Variants in NOL4 observed in about 807,000 individuals in gnomAD.
The protein encoded by NOL4 is nucleolar protein 4.
A neutral mutation model predicts 75.9 loss-of-function variants in NOL4; 17 were observed. That is an observed-to-expected ratio of 0.22 (90% CI 0.15 to 0.34). NOL4 has a LOEUF of 0.34. Among genes scored for constraint, NOL4 ranks in the 10% least tolerant of loss-of-function variants. The probability of loss-of-function intolerance (pLI) is 1.00; values close to 1 mark genes in which losing one functional copy is unlikely to be tolerated. For synonymous variants in NOL4, 292 were observed against 289.9 expected (o/e 1.01, Z -0.07); for missense variants, 614 against 793.5 (o/e 0.77, Z 2.72).
intron 9 of NOL4, among the ~76,000 whole-genome samples, chr18:33,940,319 G>C (rs1476020021): frequency 6.6e-6 from 1 of 152,028 alleles, no homozygotes; most frequent in Non-Finnish European, 1.5e-5. Context: ...ATCAATTATA[G>C]ACTGGATAAA....
At chr18:33,939,415 G>GT (rs2145524230) in intron 9 of NOL4, among the ~76,000 whole-genome samples, 1 of 152,212 alleles carries the variant, frequency 6.6e-6, no homozygotes, top group Admixed American at 6.5e-5. Flanking sequence ...AGCAAGGAAT[G>GT]TTTTTCCATT....
At chr18:33,920,278 T>C (rs1421858587) in intron 9 of NOL4, among the ~76,000 whole-genome samples, 1 of 152,188 alleles carries the variant, frequency 6.6e-6, no homozygotes, top group South Asian at 2.1e-4. Flanking sequence ...ACAAAAAAAA[T>C]GAATATATTG....
At chr18:33,869,283 A>G (rs1233749336) in intron 10 of NOL4, among the ~76,000 whole-genome samples, 2 of 152,034 alleles carry the variant, frequency 1.3e-5, no homozygotes, top group African/African-American at 4.8e-5. Context: ...AACTTCTAAG[A>G]GACTTCTTTT....
intron 9 of NOL4, among the ~76,000 whole-genome samples, chr18:33,922,472 A>G (rs1226128725): frequency 6.6e-6 from 1 of 152,186 alleles, no homozygotes; most frequent in Non-Finnish European, 1.5e-5. Context: ...GAAAAATGTT[A>G]ACCAGATTTC....
chr18:34,015,456 G>A (rs1172420968), intron 6 of NOL4, among the ~76,000 whole-genome samples: 1 of 151,918 alleles, frequency 6.6e-6, no homozygotes, highest in Non-Finnish European at 1.5e-5. Flanking sequence ...ATATTGAAAT[G>A]CTCCACATTT....
chr18:33,881,042 G>GAAAAC (rs2064235639), intron 10 of NOL4, among the ~76,000 whole-genome samples: 1 of 151,408 alleles, frequency 6.6e-6, no homozygotes, highest in Non-Finnish European at 1.5e-5. Context: ...CTCACCAAAA[G>GAAAAC]AAAACAAAAC....
chr18:34,054,982 T>C (rs1299120356), intron 5 of NOL4, among the ~76,000 whole-genome samples: 2 of 149,292 alleles, frequency 1.3e-5, no homozygotes, highest in African/African-American at 4.9e-5. Flanking sequence ...ATATATTTTA[T>C]ATATAACATA....
intron 1 of NOL4, among the ~76,000 whole-genome samples, chr18:34,131,178 G>A (rs1228183710): frequency 1.3e-5 from 2 of 151,862 alleles, no homozygotes; most frequent in African/African-American, 4.8e-5. Context: ...GCACAAGAGA[G>A]TGATTAATCT....
intron 5 of NOL4, among the ~76,000 whole-genome samples, chr18:34,068,520 C>T (rs1028279342): frequency 1.3e-5 from 2 of 152,132 alleles, no homozygotes; most frequent in Non-Finnish European, 2.9e-5. Context: ...CTGCTTCAGC[C>T]TCCTGAGTGG....
At chr18:33,976,310 A>G (rs544916557) in intron 6 of NOL4, among the ~76,000 whole-genome samples, 1 of 152,204 alleles carries the variant, frequency 6.6e-6, no homozygotes, top group South Asian at 2.1e-4. Context: ...TAGGAATACA[A>G]GGCATATGTC....
At chr18:34,100,399 A>G (rs1038247547) in intron 4 of NOL4, among the ~76,000 whole-genome samples, 12 of 152,146 alleles carry the variant, frequency 7.9e-5, no homozygotes, top group Admixed American at 3.3e-4. Flanking sequence ...CAAACTCTTC[A>G]ATGGCCTTGC....
intron 6 of NOL4, among the ~76,000 whole-genome samples, chr18:33,966,259 A>G (rs2070577618): frequency 6.6e-6 from 1 of 152,154 alleles, no homozygotes; most frequent in Non-Finnish European, 1.5e-5. Context: ...ACCACAAATT[A>G]CAAAATTTTT....
At chr18:34,198,675 G>T (rs1054456924) in intron 1 of NOL4, among the ~76,000 whole-genome samples, 10 of 151,768 alleles carry the variant, frequency 6.6e-5, no homozygotes, top group African/African-American at 2.4e-4. Flanking sequence ...TAAAATACCT[G>T]TACATTTGAC....
chr18:34,167,282 C>T (rs928603318), intron 1 of NOL4, among the ~76,000 whole-genome samples: 1 of 151,802 alleles, frequency 6.6e-6, no homozygotes, highest in Non-Finnish European at 1.5e-5. Flanking sequence ...AAGGGAATAC[C>T]GTATAACGTT....
At chr18:34,132,186 C>T (rs558323012) in intron 1 of NOL4, among the ~76,000 whole-genome samples, 5 of 152,284 alleles carry the variant, frequency 3.3e-5, no homozygotes, top group South Asian at 4.1e-4. Flanking sequence ...CTGGTGAGGA[C>T]CCTTATGATG....
intron 3 of NOL4, 125 bp downstream of exon 3, chr18:34,104,924 G>C (rs1207938094): frequency 2.3e-5 from 13 of 577,434 alleles, no homozygotes; most frequent in Non-Finnish European, 4.0e-5. Context: ...CCTCCTACTT[G>C]AATAAATGAG....
At chr18:33,933,032 C>A (rs898612629) in intron 9 of NOL4, among the ~76,000 whole-genome samples, 3 of 152,054 alleles carry the variant, frequency 2.0e-5, no homozygotes, top group Non-Finnish European at 4.4e-5. Flanking sequence ...CCAAGAACTA[C>A]CCCGATGGTC....
chr18:33,947,698 A>T (rs984409355), intron 8 of NOL4, among the ~76,000 whole-genome samples: 1 of 151,886 alleles, frequency 6.6e-6, no homozygotes, highest in Admixed American at 6.6e-5. Flanking sequence ...TATATAAGAT[A>T]ATGGTACCTA....
chr18:33,853,133 A>G (rs1567957310), intron 10 of NOL4, 98 bp from the exon 11 acceptor site: 5 of 1,003,018 alleles, frequency 5.0e-6, no homozygotes, highest in Non-Finnish European at 7.1e-6. Context: ...GAATTAATGA[A>G]TTCTTCCACA....
Sources: gnomAD v4.1 joint callset for allele counts (sites outside exome capture counted in the v4.1 genomes callset) on GRCh38, gnomAD v4.1.1 for gene constraint, MANE v1.5 for transcripts, NCBI Gene and HGNC (gene_info 2026-07-23, HGNC 2026-07-21) for gene names.